Variants in MAPK10 observed in about 807,000 individuals in gnomAD.
MAPK10 encodes mitogen-activated protein kinase 10.
MAPK10 carries 25 observed loss-of-function variants against 59.3 expected under a neutral mutation model. The observed-to-expected ratio is 0.42, with a 90% CI of 0.31 to 0.59. MAPK10 has a LOEUF of 0.59. Among genes scored for constraint, MAPK10 ranks in the 20% least tolerant of loss-of-function variants. The pLI is 0.15. For synonymous variants in MAPK10, 190 were observed against 200.5 expected (o/e 0.95, Z 0.44); for missense variants, 351 against 568.9 (o/e 0.62, Z 3.90).
chr4:86,043,841 C>G lies in MAPK10; in HGVS notation c.1111-12410G>C, dbSNP rs2042038577. On this transcript the variant is annotated intron_variant, in intron 11 of 13. Coordinates refer to ENST00000641462, the MANE Select transcript of MAPK10 (RefSeq NM_138982.4). ...GAAAGTGGATTTTCATATATTATCT[C>G]ATTTAGTCTTTGTGACAAACCTCCT... 3.3e-5 allele frequency among the ~76,000 whole-genome samples: 5 copies of G among 152,220 alleles called. No individual in the cohort carries two copies. In the South Asian group the frequency reaches 1.0e-3, roughly 32 times the overall value.
chr4:86,424,104 G>A (rs1275351021), intron 1 of MAPK10, among the ~76,000 whole-genome samples: 1 of 151,990 alleles, frequency 6.6e-6, no homozygotes, highest in Non-Finnish European at 1.5e-5. Flanking sequence ...GTATGGTGAT[G>A]TTCTGACAGC....
intron 4 of MAPK10, among the ~76,000 whole-genome samples, chr4:86,114,987 C>T (rs1411762286): frequency 3.9e-5 from 6 of 152,256 alleles, no homozygotes; most frequent in African/African-American, 9.6e-5. Context: ...ATGGGAAATT[C>T]CTCTCAGTTC....
At chr4:86,149,273 T>A (rs1446028107) in intron 4 of MAPK10, among the ~76,000 whole-genome samples, 1 of 152,120 alleles carries the variant, frequency 6.6e-6, no homozygotes, top group Non-Finnish European at 1.5e-5. Context: ...TGTTTATTTA[T>A]TTATTTATTT....
chr4:86,121,475 G>A (rs1209349539), intron 4 of MAPK10, among the ~76,000 whole-genome samples: 5 of 151,924 alleles, frequency 3.3e-5, no homozygotes, highest in African/African-American at 9.7e-5. Flanking sequence ...TGAATTTTGG[G>A]GAGACACAAA....
intron 3 of MAPK10, among the ~76,000 whole-genome samples, chr4:86,176,559 A>G (rs577770976): frequency 1.5e-4 from 23 of 152,106 alleles, no homozygotes; most frequent in Non-Finnish European, 2.6e-4. Context: ...ACGGAACTGA[A>G]CCTTAGGACC....
intron 13 of MAPK10, among the ~76,000 whole-genome samples, chr4:86,022,728 CA>C: frequency 6.6e-6 from 1 of 152,264 alleles, no homozygotes; most frequent in South Asian, 2.1e-4. Flanking sequence ...AAGCTGGTCT[CA>C]AACTCCTGGC....
chr4:86,069,155 A>AT (rs1183610079), intron 9 of MAPK10, among the ~76,000 whole-genome samples: 1 of 152,150 alleles, frequency 6.6e-6, no homozygotes, highest in African/African-American at 2.4e-5. Context: ...GTCAGTCCTG[A>AT]TTAAAGATAA....
chr4:86,438,332 TAA>T (rs1490569306), intron 1 of MAPK10, among the ~76,000 whole-genome samples: 1 of 152,206 alleles, frequency 6.6e-6, no homozygotes, highest in Non-Finnish European at 1.5e-5. Context: ...GATCATATTA[TAA>T]AGTGTAAAAT....
chr4:86,460,953 A>G (rs1184579586), intron 1 of MAPK10, among the ~76,000 whole-genome samples: 12 of 152,100 alleles, frequency 7.9e-5, no homozygotes, highest in Admixed American at 5.9e-4. Context: ...CCCTCTCCAC[A>G]TGCTATATTT....
intron 7 of MAPK10, 85 bp downstream of exon 7, chr4:86,101,809 A>G (rs2055450234): frequency 7.2e-7 from 1 of 1,381,724 alleles, no homozygotes; most frequent in Middle Eastern, 1.8e-4. Flanking sequence ...ATATTTGACC[A>G]ATGCCCCCCG....
At chr4:86,542,732 C>A (rs1758819352) in intron 1 of MAPK10, among the ~76,000 whole-genome samples, 1 of 152,182 alleles carries the variant, frequency 6.6e-6, no homozygotes, top group South Asian at 2.1e-4. Context: ...TCCCAGTATG[C>A]TAGCCAAAGT....
chr4:86,040,733 G>A (rs1259246535), intron 11 of MAPK10: 5 of 151,994 alleles, frequency 3.3e-5, no homozygotes, highest in African/African-American at 1.2e-4. Context: ...CAAGAGAAAA[G>A]AAGCAAATAA....
upstream of MAPK10, among the ~76,000 whole-genome samples, chr4:86,360,775 C>T (rs1439564691): frequency 6.6e-6 from 1 of 151,788 alleles, no homozygotes; most frequent in African/African-American, 2.4e-5. Flanking sequence ...CTGCCTTTAA[C>T]TGTTATAGGG....
intron 3 of MAPK10, among the ~76,000 whole-genome samples, chr4:86,168,228 C>T (rs976080272): frequency 2.0e-4 from 31 of 152,054 alleles, no homozygotes; most frequent in African/African-American, 3.9e-4. Context: ...GTGGGTGCAA[C>T]GCACCGTGCA....
In MAPK10 at chr4:86,434,416, G is replaced by C. The variant is rs542492723; in HGVS notation, c.-122+18614C>G. 2.0e-5 allele frequency among the ~76,000 whole-genome samples: 3 copies of C among 152,250 alleles called. No individual in the cohort carries two copies. The East Asian group carries it at 5.8e-4, about 29-fold the overall frequency. On this transcript the variant is annotated intron_variant, in intron 1 of 13. Coordinates refer to the MAPK10 transcript ENST00000361569. ...CCATCTGACAAGGGATTAATAACAA[G>C]AATATGTACAGAACTCAAACAACTC...
chr4:86,358,379 G>A lies in MAPK10; in HGVS notation c.-122+1279C>T, dbSNP rs142970421. On this transcript the variant is annotated intron_variant, in intron 1 of 13. Coordinates refer to ENST00000641462, the MANE Select transcript of MAPK10 (RefSeq NM_138982.4). ...GGCAATGCCTGGTGCACTTACACTCGTTTTCCTTCCACCTGAACTGTAGTC... is the reference window on the plus strand; with the variant it reads ...GGCAATGCCTGGTGCACTTACACTCATTTTCCTTCCACCTGAACTGTAGTC... 141 of 985,340 alleles carry A rather than the reference G, an allele frequency of 1.4e-4. 1 individual carries two copies. In the East Asian group the frequency reaches 0.011, roughly 77 times the overall value. The allele number at this position is 985,340 out of a possible 1,614,324, so 61.0% of individuals were successfully genotyped here.
intron 1 of MAPK10, among the ~76,000 whole-genome samples, chr4:86,368,821 G>A (rs967397236): frequency 2.0e-5 from 3 of 151,962 alleles, no homozygotes; most frequent in Non-Finnish European, 2.9e-5. Context: ...AAATGATAAC[G>A]GGGGGAGGGA....
chr4:86,058,139 T>C (rs1024277176), intron 11 of MAPK10, among the ~76,000 whole-genome samples: 8 of 149,718 alleles, frequency 5.3e-5, no homozygotes, highest in Non-Finnish European at 1.0e-4. Flanking sequence ...AGAAATTAAA[T>C]AATTATTAGG....
At position 86,287,277 on chromosome 4, in the gene MAPK10, G is replaced by A. The variant is rs540599833; in HGVS notation, c.-7+67253C>T. On this transcript the variant is annotated intron_variant, in intron 2 of 13. Coordinates refer to ENST00000641462, the MANE Select transcript of MAPK10 (RefSeq NM_138982.4). ...CTTGTCATTGTTAAATAAAAACACT[G>A]TAATTCTATTGGAGGTGATTCTAGT... is the stretch of plus-strand genomic sequence containing the variant. Among the ~76,000 whole-genome samples, 5 of 152,200 alleles carry A rather than the reference G, an allele frequency of 3.3e-5. No homozygotes were observed. The East Asian group carries it at 9.6e-4, about 29-fold the overall frequency.
Sources: allele counts gnomAD v4.1 joint callset (sites outside exome capture counted in the v4.1 genomes callset), GRCh38; gene constraint gnomAD v4.1.1; transcripts MANE v1.5; gene names NCBI Gene and HGNC (gene_info 2026-07-23, HGNC 2026-07-21).